Variants in HPS3 observed in about 807,000 individuals in gnomAD.
HPS3 encodes the protein BLOC-2 complex member HPS3.
HPS3 carries 79 observed loss-of-function variants against 110.9 expected under a neutral mutation model. The ratio of observed to expected loss-of-function variants is 0.71; its 90% CI spans 0.59 to 0.86. The LOEUF is 0.86. HPS3 is among the 40% of genes least tolerant of loss of function. The pLI, the probability that HPS3 is intolerant of heterozygous loss-of-function variation, is 0.00. For synonymous variants in HPS3, 428 were observed against 451.0 expected (o/e 0.95, Z 0.65); for missense variants, 1,197 against 1,206.2 (o/e 0.99, Z 0.11).
Position 149,150,589 on chromosome 3 carries a change from T to G in HPS3, c.1164-10T>G, listed in dbSNP as rs1723039089. The G allele has an allele frequency of 1.1e-5, 17 of 1,613,264 alleles. No individual in the cohort carries two copies. Among genetic ancestry groups the G allele is most frequent in the Non-Finnish European group, 1.4e-5 (16 of 1,179,402 alleles). On this transcript the variant is annotated splice_polypyrimidine_tract_variant and intron_variant, in intron 5 of 16. Transcript: ENST00000296051. The stretch of plus-strand genomic sequence containing the variant: ...TCACTTTGCTCAGCAGCCTGTGTCT[T>G]CCTCCTCAGTAACAACCTGCAGTGT...
chr3:149,158,527 C>T (rs766313446), intron 9 of HPS3, 139 bp from the exon 10 acceptor site: 34 of 822,676 alleles, frequency 4.1e-5, no homozygotes, highest in Non-Finnish European at 6.9e-5. Flanking sequence ...GTGGCTTACA[C>T]CTGGAATCCC....
chr3:149,149,995 C>T lies in HPS3; in HGVS notation c.1164-604C>T, dbSNP rs1287697710. On this transcript the variant is annotated intron_variant, in intron 5 of 16. Coordinates refer to ENST00000296051, the MANE Select transcript of HPS3 (RefSeq NM_032383.5). ...TAATTGGCTCTACTCTCCAGAGAGG[C>T]GGTGGACCAGTCATGAACCTTTCAT... 3.9e-5 allele frequency among the ~76,000 whole-genome samples: 6 copies of T among 152,094 alleles called. No individual in the cohort carries two copies. The East Asian group carries it at 1.2e-3, about 29-fold the overall frequency.
intron 1 of HPS3, among the ~76,000 whole-genome samples, chr3:149,131,708 T>C (rs1721793422): frequency 6.6e-6 from 1 of 152,220 alleles, no homozygotes; most frequent in African/African-American, 2.4e-5. Flanking sequence ...TGGACGTCTC[T>C]CACTTTAAAT....
Position 149,150,625 on chromosome 3 carries a change from G to A in HPS3, c.1190G>A (p.Arg397Gln), listed in dbSNP as rs747708121. 1.1e-5 allele frequency: 18 copies of A among 1,613,912 alleles called. No individual in the cohort carries two copies. Among genetic ancestry groups the A allele is most frequent in the African/African-American group, 4.0e-5 (3 of 74,888 alleles). The change falls in exon 6 of 17, where the codon CGG becomes CAG. Residue 397 changes from arginine (R) to glutamine (Q), a missense_variant. Coordinates refer to ENST00000296051, the MANE Select transcript of HPS3 (RefSeq NM_032383.5). ...AACAACCTGCAGTGTTTCACTGTGC[G>A]GTGCAGTGCGGCGGCAGCTCGTGAG... ...TSNNLQCFTV[R>Q]CSAAAAREED...
chr3:149,129,892 G>A lies in HPS3; in HGVS notation c.169G>A (p.Ala57Thr), dbSNP rs2108112366. The stretch of plus-strand genomic sequence containing the variant: ...CCAGGAGCTGTGCCAGCCGCGGTGC[G>A]CCTTCTCCACGCTGGGCCGGGTGTT... ...AGQELCQPRCAFSTLGRVLRL... is the reference protein window; with the variant it reads ...AGQELCQPRCTFSTLGRVLRL... The change falls in exon 1 of 17, where the codon GCC (alanine) becomes ACC (threonine). Residue 57 changes from alanine (A) to threonine (T), a missense_variant. Physicochemically the swap from Ala to Thr is moderately conservative, Grantham distance 58. Coordinates refer to ENST00000296051, the MANE Select transcript of HPS3 (RefSeq NM_032383.5). 1 of 1,585,496 alleles carries A rather than the reference G, an allele frequency of 6.3e-7. No individual in the cohort carries two copies. The highest frequency in any genetic ancestry group is 1.1e-5 in the South Asian group (1 of 88,902).
rs1333833071 is a variant in HPS3, at chr3:149,131,138, AAAC to A, written c.217+1201_217+1203del. ...AGTTTATGTTAAAAAAAAAAAAAAA[AAAC>A]AAAAAGTTGAATAAATAGATCAGTG... On this transcript the variant is annotated intron_variant, in intron 1 of 16. Transcript: ENST00000296051. 1.5e-3 allele frequency among the ~76,000 whole-genome samples: 223 copies of A among 150,736 alleles called. 1 individual carries two copies. The highest frequency in any genetic ancestry group is 5.1e-3 in the African/African-American group (208 of 40,614).
intron 5 of HPS3, among the ~76,000 whole-genome samples, chr3:149,146,788 T>A (rs1722801641): frequency 6.6e-6 from 1 of 152,222 alleles, no homozygotes; most frequent in African/African-American, 2.4e-5. Context: ...TGTGTAGTGA[T>A]GTTCTTTAAA....
At chr3:149,168,088 C>A in intron 16 of HPS3, 105 bp downstream of exon 16, 5 of 725,982 alleles carry the variant, frequency 6.9e-6, no homozygotes, top group Admixed American at 4.1e-5. Flanking sequence ...AAACCGAGGG[C>A]CTTTCAGAAC....
Position 149,163,962 on chromosome 3 carries a change from AC to A in HPS3, c.2589+15del. ...TTCAAAATTACAGGTAAGTAAAAAT[AC>A]CTCCTTTTCTTATGAAATTGCATAT... On this transcript the variant is annotated intron_variant, in intron 14 of 16. Coordinates refer to ENST00000296051, the MANE Select transcript of HPS3 (RefSeq NM_032383.5). 1 of 1,241,634 alleles carries A rather than the reference AC, an allele frequency of 8.1e-7. No individual in the cohort carries two copies. The highest frequency in any genetic ancestry group is 1.2e-6 in the Non-Finnish European group (1 of 841,908). 76.9% of individuals were successfully genotyped at this position (1,241,634 alleles called of 1,614,324 possible). A position where few individuals can be genotyped will look rare whatever the true frequency, so the allele number is the denominator to read the frequency against.
At chr3:149,131,270 C>T (rs1721756465) in intron 1 of HPS3, among the ~76,000 whole-genome samples, 1 of 151,956 alleles carries the variant, frequency 6.6e-6, no homozygotes, top group Non-Finnish European at 1.5e-5. Context: ...ACAGGCATAC[C>T]TTGTTTTTTT....
At position 149,167,202 on chromosome 3, in the gene HPS3, A is replaced by T. The variant is rs1235813833; in HGVS notation, c.2758A>T (p.Ile920Phe). The change falls in exon 15 of 17, where the codon ATT becomes TTT. Residue 920 changes from isoleucine to phenylalanine, a missense_variant. Physicochemically the swap from Ile to Phe is conservative, Grantham distance 21. Coordinates refer to ENST00000296051, the MANE Select transcript of HPS3 (RefSeq NM_032383.5). Reference protein sequence around the residue: ...ILLERCPEAVIPYANHELKEE... With the variant: ...ILLERCPEAVFPYANHELKEE... ...GTTAGAGAGATGCCCGGAGGCAGTC[A>T]TTCCATATGCTAATCATGAACTGAA... 1 of 1,613,746 alleles carries T rather than the reference A, an allele frequency of 6.2e-7. No homozygotes were observed. Among genetic ancestry groups the T allele is most frequent in the Non-Finnish European group, 8.5e-7 (1 of 1,179,854 alleles).
At chr3:149,144,214 G>GAAA (rs59146279) in intron 4 of HPS3, among the ~76,000 whole-genome samples, 5 of 123,618 alleles carry the variant, frequency 4.0e-5, no homozygotes, top group African/African-American at 1.2e-4. Flanking sequence ...GTCTCTACTA[G>GAAA]AAAAAAAAAA....
chr3:149,149,120 AT>A (rs777091621), intron 5 of HPS3, among the ~76,000 whole-genome samples: 1,440 of 136,472 alleles, frequency 0.011, 13 homozygotes, highest in African/African-American at 0.027. Context: ...CGCCCAGCTA[AT>A]TTTTTTTTTT....
intron 5 of HPS3, among the ~76,000 whole-genome samples, chr3:149,146,243 A>G (rs913886295): frequency 1.4e-4 from 21 of 152,230 alleles, no homozygotes; most frequent in African/African-American, 5.1e-4. Context: ...TGAATAAGAT[A>G]CACCAACCAC....
chr3:149,132,700 G>T (rs956957215), intron 1 of HPS3, among the ~76,000 whole-genome samples: 1 of 152,142 alleles, frequency 6.6e-6, no homozygotes, highest in African/African-American at 2.4e-5. Flanking sequence ...ATTTGGTAAG[G>T]CTATAACTGC....
intron 1 of HPS3, among the ~76,000 whole-genome samples, chr3:149,137,321 T>A (rs1722170255): frequency 6.6e-6 from 1 of 152,134 alleles, no homozygotes; most frequent in South Asian, 2.1e-4. Flanking sequence ...AAAACAGAAA[T>A]TAACGTGTTG....
chr3:149,142,103 C>T (rs1722515579), intron 4 of HPS3, among the ~76,000 whole-genome samples: 1 of 152,164 alleles, frequency 6.6e-6, no homozygotes, highest in Non-Finnish European at 1.5e-5. Flanking sequence ...CCCACCTCGG[C>T]CTCCCAAAGT....
At chr3:149,130,530 C>G (rs1453207407) in intron 1 of HPS3, 1 of 153,620 alleles carries the variant, frequency 6.5e-6, no homozygotes, top group Non-Finnish European at 1.5e-5. Flanking sequence ...GCCTGTAATC[C>G]CAACACTTTG....
chr3:149,134,209 G>T (rs1721941979), intron 1 of HPS3, among the ~76,000 whole-genome samples: 1 of 152,064 alleles, frequency 6.6e-6, no homozygotes, highest in South Asian at 2.1e-4. Context: ...CTTTCAGCAG[G>T]AATATTCCAA....
Sources: allele counts gnomAD v4.1 joint callset (sites outside exome capture counted in the v4.1 genomes callset), GRCh38; gene constraint gnomAD v4.1.1; transcripts MANE v1.5; gene names NCBI Gene and HGNC (gene_info 2026-07-23, HGNC 2026-07-21).